RFWD3: variants seen among roughly 807,000 people sequenced by gnomAD.
RFWD3 encodes E3 ubiquitin-protein ligase RFWD3.
Under a neutral mutation model 87.7 loss-of-function variants are expected in RFWD3, and 65 were observed. That is an observed-to-expected ratio of 0.74 (90% CI 0.61 to 0.91). The LOEUF is 0.91. Among genes scored for constraint, RFWD3 ranks in the 40% least tolerant of loss-of-function variants. RFWD3 has a pLI of 0.00. For synonymous variants in RFWD3, 433 were observed against 352.8 expected (o/e 1.23, Z -2.55); for missense variants, 1,078 against 938.5 (o/e 1.15, Z -1.94).
In RFWD3 at chr16:74,623,961, T is replaced by C; in HGVS notation, c.2292A>G (p.Thr764=). ...ACTTATAGATGTGGACCATCTTCTCTGTTAAGGTAGCCAAGTAGCTGTTAC... is the reference window on the plus strand; with the variant it reads ...ACTTATAGATGTGGACCATCTTCTCCGTTAAGGTAGCCAAGTAGCTGTTAC... The part of the protein sequence containing the change: ...VNRNSYLATL[T]EKMVHIYKWE Residue 764 remains threonine (T), a synonymous_variant, in exon 13 of 13, where the codon ACA becomes ACG. Transcript: ENST00000361070. 1 of 1,614,142 alleles carries C rather than the reference T, an allele frequency of 6.2e-7. No homozygotes were observed. The highest frequency in any genetic ancestry group is 1.1e-5 in the South Asian group (1 of 91,074).
chr16:74,646,650 A>C (rs1960170156), intron 4 of RFWD3, among the ~76,000 whole-genome samples: 1 of 151,986 alleles, frequency 6.6e-6, no homozygotes, highest in East Asian at 1.9e-4. Context: ...GCCAGGCATG[A>C]CGGCGTGTGC....
intron 2 of RFWD3, among the ~76,000 whole-genome samples, chr16:74,655,961 T>A (rs1312027423): frequency 6.6e-6 from 1 of 152,320 alleles, no homozygotes; most frequent in East Asian, 1.9e-4. Context: ...TTACTGCTCA[T>A]TGACAATGCA....
chr16:74,628,603 C>T lies in RFWD3; in HGVS notation c.1818G>A (p.Gly606=), dbSNP rs1183131401. 1.2e-6 allele frequency: 2 copies of T among 1,614,168 alleles called. No homozygotes were observed. Among genetic ancestry groups the T allele is most frequent in the South Asian group, 1.1e-5 (1 of 91,080 alleles). ...RAASAAFPYG[G]VLAGTLEDAS... ...CATCCTCCAAGGTTCCAGCCAGCAC[C>T]CCACCATATGGAAATGCAGCTGAGG... is the stretch of plus-strand genomic sequence containing the variant. The change falls in exon 11 of 13, where the codon GGG becomes GGA. Residue 606 remains glycine, a synonymous_variant. Coordinates refer to ENST00000361070, the MANE Select transcript of RFWD3 (RefSeq NM_018124.4).
chr16:74,659,601 C>CA (rs58273376), intron 2 of RFWD3, among the ~76,000 whole-genome samples: 83,068 of 148,522 alleles, frequency 0.56, 24,009 homozygotes, highest in East Asian at 0.75. Flanking sequence ...GTCTTAAAAA[C>CA]AAAAAAAAAA....
In RFWD3 at chr16:74,644,787, TGAA is replaced by T. The variant is rs777450273; in HGVS notation, c.793-55_793-53del. ...ATTAGAGAAAATGTAAAATCAATCT[TGAA>T]GAAGATGTGCAACTAAGAAATTAAC... On this transcript the variant is annotated intron_variant, in intron 4 of 12. Coordinates refer to ENST00000361070, the MANE Select transcript of RFWD3 (RefSeq NM_018124.4). 4.6e-5 allele frequency: 71 copies of T among 1,537,838 alleles called. No individual in the cohort carries two copies. The Middle Eastern group carries it at 7.1e-4, about 15-fold the overall frequency.
At chr16:74,652,759 G>A (rs898239735) in intron 2 of RFWD3, among the ~76,000 whole-genome samples, 35 of 152,128 alleles carry the variant, frequency 2.3e-4, no homozygotes, top group Non-Finnish European at 1.0e-4. Flanking sequence ...AACCACTACT[G>A]TACCTCAGTT....
At chr16:74,629,913 G>A (rs1939428762) in intron 10 of RFWD3, among the ~76,000 whole-genome samples, 1 of 152,132 alleles carries the variant, frequency 6.6e-6, no homozygotes, top group Non-Finnish European at 1.5e-5. Flanking sequence ...GGTGCTGGTG[G>A]CCATCCATCC....
chr16:74,651,463 T>A (rs1324632080), intron 3 of RFWD3, among the ~76,000 whole-genome samples: 2 of 151,740 alleles, frequency 1.3e-5, no homozygotes, highest in African/African-American at 4.8e-5. Flanking sequence ...ACAAAAAATT[T>A]AAAAAATTAG....
At chr16:74,652,370 T>C (rs1188279626) in intron 2 of RFWD3, among the ~76,000 whole-genome samples, 5 of 152,074 alleles carry the variant, frequency 3.3e-5, no homozygotes, top group Non-Finnish European at 5.9e-5. Flanking sequence ...AAGCTAATTC[T>C]ATTTTACTGG....
chr16:74,646,163 TCAG>T (rs1375468247), intron 4 of RFWD3, among the ~76,000 whole-genome samples: 120 of 150,180 alleles, frequency 8.0e-4, no homozygotes, highest in Non-Finnish European at 1.3e-4. Flanking sequence ...TTCCTTGAGC[TCAG>T]GAGTTTGAAA....
chr16:74,636,018 G>C (rs1597421907), intron 8 of RFWD3, among the ~76,000 whole-genome samples: 3 of 152,152 alleles, frequency 2.0e-5, no homozygotes, highest in East Asian at 3.8e-4. Flanking sequence ...GCTGTGTTTT[G>C]TCAAACATTT....
rs1959969192 is a variant in RFWD3 at position 74,644,677 on chromosome 16, C to G, written c.851G>C (p.Gly284Ala). Residue 284 changes from glycine to alanine, a missense_variant, in exon 5 of 13, where the codon GGG becomes GCG. Physicochemically the swap from Gly to Ala is moderately conservative, Grantham distance 60. Transcript: ENST00000361070. ...LPSASMDEEE[G>A]DTCTICLEQW... ...TTCCAGACATATTGTACAAGTGTCC[C>G]CTTCTTCCTCATCCATAGAAGCAGA... is the stretch of plus-strand genomic sequence containing the variant. The G allele has an allele frequency of 1.2e-6, 2 of 1,614,084 alleles. No homozygotes were observed. Among genetic ancestry groups the G allele is most frequent in the East Asian group, 4.5e-5 (2 of 44,902 alleles).
intron 9 of RFWD3, among the ~76,000 whole-genome samples, chr16:74,632,066 TCAG>T (rs1665261263): frequency 6.6e-6 from 1 of 152,092 alleles, no homozygotes; most frequent in African/African-American, 2.4e-5. Context: ...TAAATGGATC[TCAG>T]AAGACACAGT....
chr16:74,651,501 C>T (rs892092834), intron 3 of RFWD3, among the ~76,000 whole-genome samples: 2 of 152,026 alleles, frequency 1.3e-5, no homozygotes, highest in Admixed American at 6.6e-5. Flanking sequence ...TGCCTGTAGT[C>T]CCAGTTAGTG....
chr16:74,652,083 C>A lies in RFWD3; in HGVS notation c.558G>T (p.Arg186Ser), dbSNP rs1323054201. 1 of 1,614,072 alleles carries A rather than the reference C, an allele frequency of 6.2e-7. No individual in the cohort carries two copies. The highest frequency in any genetic ancestry group is 1.1e-5 in the South Asian group (1 of 91,062). The change falls in exon 3 of 13, where the codon AGG (arginine) becomes AGT (serine). Residue 186 changes from arginine (R) to serine (S), a missense_variant. Transcript: ENST00000361070. ...TGGTAGCTGGCAAGTCAGGCTGGGT[C>A]CTGCTCACCTGAAAGTAAGCATCCA... ...APLDAYFQVS[R>S]TQPDLPATTY...
chr16:74,654,306 T>G (rs1960800232), intron 2 of RFWD3, among the ~76,000 whole-genome samples: 1 of 152,228 alleles, frequency 6.6e-6, no homozygotes, highest in Admixed American at 6.5e-5. Context: ...ATTCTCTATT[T>G]CATTTATTTA....
At chr16:74,631,083 T>A (rs1218408298) in intron 9 of RFWD3, 126 bp from the exon 10 acceptor site, 5 of 743,158 alleles carry the variant, frequency 6.7e-6, no homozygotes, top group African/African-American at 1.8e-5. Context: ...CCAAACTATC[T>A]GGATTCCCTA....
At chr16:74,653,713 T>G (rs1597450055) in intron 2 of RFWD3, among the ~76,000 whole-genome samples, 1 of 152,164 alleles carries the variant, frequency 6.6e-6, no homozygotes, top group South Asian at 2.1e-4. Context: ...CTAGAAGTTT[T>G]AATAATTATG....
chr16:74,650,022 C>T (rs138910094), intron 3 of RFWD3, among the ~76,000 whole-genome samples: 2 of 152,312 alleles, frequency 1.3e-5, no homozygotes, highest in African/African-American at 4.8e-5. Context: ...AGTCAATCCA[C>T]ATTTGCATCT....
Sources: gnomAD v4.1 joint callset for allele counts (sites outside exome capture counted in the v4.1 genomes callset) on GRCh38, gnomAD v4.1.1 for gene constraint, MANE v1.5 for transcripts, NCBI Gene and HGNC (gene_info 2026-07-23, HGNC 2026-07-21) for gene names.